Variants in CNTNAP4 observed in about 807,000 individuals in gnomAD.
The protein encoded by CNTNAP4 is contactin-associated protein-like 4.
CNTNAP4 carries 98 observed loss-of-function variants against 148.4 expected under a neutral mutation model. The observed-to-expected ratio is 0.66, with a 90% confidence interval of 0.56 to 0.78. The LOEUF is 0.78. Ranked by LOEUF, CNTNAP4 falls within the 30% of genes least tolerant of loss-of-function variation. CNTNAP4 has a pLI of 0.00. For synonymous variants in CNTNAP4, 730 were observed against 565.1 expected (o/e 1.29, Z -4.14); for missense variants, 1,935 against 1,565.6 (o/e 1.24, Z -3.98).
At chr16:76,333,578 A>T (rs1567741102) in intron 2 of CNTNAP4, among the ~76,000 whole-genome samples, 1 of 152,040 alleles carries the variant, frequency 6.6e-6, no homozygotes, top group Non-Finnish European at 1.5e-5. Flanking sequence ...TGTTTAGTTG[A>T]TCCAATATCA....
At chr16:76,401,088 G>A (rs922543264) in intron 3 of CNTNAP4, among the ~76,000 whole-genome samples, 1 of 152,118 alleles carries the variant, frequency 6.6e-6, no homozygotes, top group Non-Finnish European at 1.5e-5. Flanking sequence ...GTCATTGGTA[G>A]TTTGATAACA....
chr16:76,494,513 A>G (rs891536144), intron 13 of CNTNAP4, among the ~76,000 whole-genome samples: 1 of 152,162 alleles, frequency 6.6e-6, no homozygotes, highest in African/African-American at 2.4e-5. Flanking sequence ...TGGGCATTTC[A>G]TGATTTCAAA....
chr16:76,291,316 T>A (rs966747582), intron 1 of CNTNAP4, among the ~76,000 whole-genome samples: 2 of 152,122 alleles, frequency 1.3e-5, no homozygotes, highest in African/African-American at 4.8e-5. Flanking sequence ...GTTCAGTGCA[T>A]TGCCGAGATC....
At chr16:76,291,770 T>C (rs923428204) in intron 1 of CNTNAP4, among the ~76,000 whole-genome samples, 1 of 152,202 alleles carries the variant, frequency 6.6e-6, no homozygotes, top group Non-Finnish European at 1.5e-5. Flanking sequence ...TTTTGAAAAG[T>C]CAGTTTAAAA....
chr16:76,316,434 T>A lies in CNTNAP4; in HGVS notation c.107T>A (p.Val36Glu). 1 of 1,613,786 alleles carries A rather than the reference T, an allele frequency of 6.2e-7. No homozygotes were observed. ...GCAGATGACTGTGATGATCCTCTTG[T>A]GTCTGCCTTGCCTCAGGCATCCTTC... ...GNSYDCDDPLVSALPQASFSS... is the reference protein window; with the variant it reads ...GNSYDCDDPLESALPQASFSS... The change falls in exon 2 of 24, where the codon GTG (valine) becomes GAG (glutamate). Residue 36 changes from valine to glutamate, a missense_variant. Transcript: ENST00000611870.
chr16:76,551,898 G>A (rs1242142045), intron 21 of CNTNAP4, among the ~76,000 whole-genome samples: 3 of 151,836 alleles, frequency 2.0e-5, no homozygotes, highest in Non-Finnish European at 2.9e-5. Flanking sequence ...TGCACATTTT[G>A]TCTTTCCCTA....
chr16:76,548,009 G>T (rs1227822446), intron 21 of CNTNAP4, among the ~76,000 whole-genome samples: 1 of 152,170 alleles, frequency 6.6e-6, no homozygotes, highest in Admixed American at 6.5e-5. Flanking sequence ...AATGAGACAG[G>T]TTATGCTGAA....
intron 15 of CNTNAP4, among the ~76,000 whole-genome samples, chr16:76,510,535 A>C (rs961308127): frequency 7.9e-5 from 12 of 151,970 alleles, no homozygotes; most frequent in Non-Finnish European, 1.6e-4. Context: ...ATTTCCCTAC[A>C]TTTAACCTCT....
intron 1 of CNTNAP4, among the ~76,000 whole-genome samples, chr16:76,285,354 A>G (rs988034461): frequency 1.3e-5 from 2 of 152,096 alleles, no homozygotes; most frequent in East Asian, 3.9e-4. Flanking sequence ...GTAGTTCAAA[A>G]TTAGTAACTA....
chr16:76,496,085 T>TGTGTGTGTGTGTG (rs1555576716), intron 14 of CNTNAP4, among the ~76,000 whole-genome samples: 1 of 140,036 alleles, frequency 7.1e-6, no homozygotes, highest in African/African-American at 2.5e-5. Flanking sequence ...CAAGATTATG[T>TGTGTGTGTGTGTG]TGTGTGTGTG....
At chr16:76,534,726 G>A (rs534576799) in intron 17 of CNTNAP4, among the ~76,000 whole-genome samples, 2 of 152,218 alleles carry the variant, frequency 1.3e-5, no homozygotes, top group Admixed American at 6.5e-5. Flanking sequence ...CTTGGAGCAA[G>A]CTACCGAGTC....
At chr16:76,347,755 T>A (rs1965029212) in intron 2 of CNTNAP4, among the ~76,000 whole-genome samples, 3 of 152,048 alleles carry the variant, frequency 2.0e-5, no homozygotes. Flanking sequence ...ATGTTCAGTT[T>A]ATTCAAAGAA....
chr16:76,403,009 A>G (rs1261554153), intron 3 of CNTNAP4, among the ~76,000 whole-genome samples: 3 of 151,642 alleles, frequency 2.0e-5, no homozygotes, highest in Non-Finnish European at 4.4e-5. Flanking sequence ...AACAACATAT[A>G]TTCTGTAGTT....
chr16:76,498,577 A>T lies in CNTNAP4; in HGVS notation c.2248A>T (p.Thr750Ser), dbSNP rs746603565. 4 of 1,611,660 alleles carry T rather than the reference A, an allele frequency of 2.5e-6. No homozygotes were observed. Among genetic ancestry groups the T allele is most frequent in the Non-Finnish European group, 2.5e-6 (3 of 1,178,938 alleles). Residue 750 changes from threonine to serine, a missense_variant, in exon 15 of 24, where the codon ACT becomes TCT. Physicochemically the swap from Thr to Ser is moderately conservative, Grantham distance 58 (BLOSUM62 1). Transcript: ENST00000611870. ...DADRNEWTND[T>S]GLLAYKEHLP... ...GCTATTGTTTTTTAGGACCAATGAC[A>T]CTGGATTGCTTGCTTATAAAGAACA...
chr16:76,375,884 A>T (rs2015365234), intron 3 of CNTNAP4, among the ~76,000 whole-genome samples: 1 of 152,218 alleles, frequency 6.6e-6, no homozygotes, highest in African/African-American at 2.4e-5. Flanking sequence ...GCAGTTAAGG[A>T]TGTCATCTCT....
At chr16:76,521,452 C>A (rs1397231800) in intron 16 of CNTNAP4, 142 bp downstream of exon 16, 17 of 598,606 alleles carry the variant, frequency 2.8e-5, no homozygotes, top group Non-Finnish European at 4.0e-5. Flanking sequence ...ATAATATTAA[C>A]TTATCCTGTT....
intron 1 of CNTNAP4, among the ~76,000 whole-genome samples, chr16:76,312,565 A>C (rs752820019): frequency 6.6e-6 from 1 of 152,196 alleles, no homozygotes; most frequent in African/African-American, 2.4e-5. Flanking sequence ...GTTGAAGATC[A>C]AATGGGAAAT....
intron 23 of CNTNAP4, among the ~76,000 whole-genome samples, chr16:76,554,405 A>C (rs1000384581): frequency 9.9e-5 from 15 of 152,204 alleles, no homozygotes; most frequent in Non-Finnish European, 1.5e-4. Context: ...TGCTTCTATC[A>C]ACTAAATATT....
In CNTNAP4 at chr16:76,539,739, A is replaced by T; in HGVS notation, c.3241A>T (p.Lys1081Ter). 6.3e-7 allele frequency: 1 copy of T among 1,599,320 alleles called. No individual in the cohort carries two copies. Among genetic ancestry groups the T allele is most frequent in the Non-Finnish European group, 8.5e-7 (1 of 1,175,090 alleles). ...AKNGSLQIRY[K>*]LNKYQEPDVV... ...TCTAGGAAGTTTGCAGATCAGGTAC[A>T]AGTTAAATAAATATCAAGAGCCTGA... is the stretch of plus-strand genomic sequence containing the variant. The change falls in exon 20 of 24, where the codon AAG (lysine) becomes TAG (stop). Residue 1081 changes from lysine (K) to a stop codon, truncating the protein, a stop_gained. Coordinates refer to ENST00000611870, the MANE Select transcript of CNTNAP4 (RefSeq NM_033401.5). LOFTEE classifies it high-confidence loss of function.
Sources: gnomAD v4.1 joint callset for allele counts (sites outside exome capture counted in the v4.1 genomes callset) on GRCh38, gnomAD v4.1.1 for gene constraint, MANE v1.5 for transcripts, NCBI Gene and HGNC (gene_info 2026-07-23, HGNC 2026-07-21) for gene names.